The following GIGYF2 variants were observed in gnomAD, a reference collection of about 807,000 sequenced individuals.
GIGYF2 encodes GRB10-interacting GYF protein 2.
A neutral mutation model predicts 208.1 loss-of-function variants in GIGYF2; 25 were observed. That is an observed-to-expected ratio of 0.12 (90% CI 0.09 to 0.17). The LOEUF is 0.17. Among genes scored for constraint, GIGYF2 ranks in the 10% least tolerant of loss-of-function variants. The pLI is 1.00. For synonymous variants in GIGYF2, 534 were observed against 543.8 expected (o/e 0.98, Z 0.25); for missense variants, 1,302 against 1,579.4 (o/e 0.82, Z 2.98).
rs188274328 is a variant in GIGYF2 at position 232,712,903 on chromosome 2, A to T, written c.-44+9414A>T. On this transcript the variant is annotated intron_variant, in intron 2 of 28. Coordinates refer to ENST00000373563, the MANE Select transcript of GIGYF2 (RefSeq NM_001103146.3). ...TTACTGAGTTTTTAGTGCTAAGTAG[A>T]TAAGAGTTTGTTTATAAGTTAGGAT... Among the ~76,000 whole-genome samples the T allele has an allele frequency of 6.9e-4, 105 of 152,300 alleles. 3 individuals are homozygous for T. The highest frequency in any genetic ancestry group is 2.3e-3 in the African/African-American group (94 of 41,552).
intron 2 of GIGYF2, among the ~76,000 whole-genome samples, chr2:232,721,958 C>A (rs1696962136): frequency 6.6e-6 from 1 of 152,180 alleles, no homozygotes; most frequent in Admixed American, 6.5e-5. Flanking sequence ...TTACCAACAT[C>A]TTAAATTTGT....
intron 2 of GIGYF2, among the ~76,000 whole-genome samples, chr2:232,725,049 T>C (rs1697135708): frequency 6.6e-6 from 1 of 152,252 alleles, no homozygotes; most frequent in Non-Finnish European, 1.5e-5. Context: ...ATTCTCTGTA[T>C]TCTGTAACTT....
rs933145182 is a variant in GIGYF2 at position 232,781,286 on chromosome 2, A to G, written c.533-5864A>G. On this transcript the variant is annotated intron_variant, in intron 8 of 28. Transcript: ENST00000373563. ...TTATTTATTTTAAATTATATCAGGA[A>G]TACACACACACACACACACACACAC... Among the ~76,000 whole-genome samples the G allele has an allele frequency of 1.0e-4, 13 of 129,192 alleles. No individual in the cohort carries two copies. In the East Asian group the frequency reaches 2.5e-3, roughly 25 times the overall value. 84.8% of individuals were successfully genotyped at this position (129,192 alleles called of 152,430 possible).
At chr2:232,723,133 T>C (rs1697018366) in intron 2 of GIGYF2, among the ~76,000 whole-genome samples, 1 of 152,082 alleles carries the variant, frequency 6.6e-6, no homozygotes, top group Non-Finnish European at 1.5e-5. Context: ...CCTTTTAAAT[T>C]CCCCTACCCC....
chr2:232,711,705 G>GTATGTATATATATATATATATATATATA (rs1553604498), intron 2 of GIGYF2, among the ~76,000 whole-genome samples: 1 of 115,760 alleles, frequency 8.6e-6, no homozygotes, highest in Non-Finnish European at 1.8e-5. Flanking sequence ...TCACAATGAT[G>GTATGTATATATATATATATATATATATA]TATATATATA....
intron 2 of GIGYF2, among the ~76,000 whole-genome samples, chr2:232,718,347 C>T (rs1048879407): frequency 2.0e-5 from 3 of 152,196 alleles, no homozygotes; most frequent in African/African-American, 4.8e-5. Flanking sequence ...GATCCACTCA[C>T]CTTAGCCTCC....
rs150991520 is a variant in GIGYF2 at position 232,845,790 on chromosome 2, C to G, written c.3364C>G (p.Leu1122Val). The G allele has an allele frequency of 1.2e-6, 2 of 1,612,356 alleles. No homozygotes were observed. Among genetic ancestry groups the G allele is most frequent in the African/African-American group, 2.7e-5 (2 of 74,868 alleles). Residue 1122 changes from leucine to valine, a missense_variant, in exon 26 of 29, where the codon CTG (leucine) becomes GTG (valine). Physicochemically the swap from Leu to Val is conservative, Grantham distance 32. Around this residue, in one of 8 missense-constraint regions of GIGYF2, gnomAD observed 701 missense variants for 793.0 expected, o/e 0.88. Transcript: ENST00000373563. ...GAAAGTAGAAGAAGAAGAAAAGTTG[C>G]TGAAGCTCTTTCAGGGAGTAAATAA... is the stretch of plus-strand genomic sequence containing the variant. ...NKKVEEEEKL[L>V]KLFQGVNKAQ...
intron 3 of GIGYF2, among the ~76,000 whole-genome samples, chr2:232,740,807 T>A (rs1697942617): frequency 6.6e-6 from 1 of 152,206 alleles, no homozygotes; most frequent in African/African-American, 2.4e-5. Context: ...GGAGAGAAGT[T>A]CTGGAGGATG....
At chr2:232,736,427 A>G (rs1374381663) in intron 3 of GIGYF2, 2 of 159,146 alleles carry the variant, frequency 1.3e-5, no homozygotes, top group South Asian at 2.0e-4. Context: ...GTGTATATAT[A>G]CACTTATTTT....
In GIGYF2 at chr2:232,859,152, A is replaced by T. The variant is rs896558680; in HGVS notation, c.*2292A>T. On this transcript the variant is annotated 3_prime_UTR_variant, in exon 29 of 29. Transcript: ENST00000373563. The stretch of plus-strand genomic sequence containing the variant: ...GTTTGTTTCTGTCTCTCTCAATGCT[A>T]CTCTCTTTCATATTCTCATTTGCTC... 1 of 151,312 alleles carries T rather than the reference A, an allele frequency of 6.6e-6. No individual in the cohort carries two copies. Among genetic ancestry groups the T allele is most frequent in the Non-Finnish European group, 1.5e-5 (1 of 67,878 alleles). 9.4% of individuals were successfully genotyped at this position (151,312 alleles called of 1,614,324 possible).
At chr2:232,827,786 C>T (rs761288797) in intron 21 of GIGYF2, among the ~76,000 whole-genome samples, 2 of 152,012 alleles carry the variant, frequency 1.3e-5, no homozygotes, top group Non-Finnish European at 2.9e-5. Context: ...AATTTTAAAC[C>T]TTTCTTCCTT....
intron 28 of GIGYF2, among the ~76,000 whole-genome samples, chr2:232,851,684 T>TCACA (rs1690339889): frequency 6.6e-6 from 1 of 152,214 alleles, no homozygotes; most frequent in Non-Finnish European, 1.5e-5. Context: ...CCTCCCAAAG[T>TCACA]GCTGGGATTA....
chr2:232,760,413 T>C (rs375914290), intron 6 of GIGYF2, 67 bp from the exon 7 acceptor site: 1 of 981,116 alleles, frequency 1.0e-6, no homozygotes, highest in East Asian at 2.4e-5. Context: ...GATATTAATT[T>C]ATGGTGGTGA....
rs1475176373 is a variant in GIGYF2, at chr2:232,768,619, G to A, written c.532+7183G>A. 1.2e-6 allele frequency: 2 copies of A among 1,613,954 alleles called. No homozygotes were observed. Among genetic ancestry groups the A allele is most frequent in the African/African-American group, 2.7e-5 (2 of 74,924 alleles). On this transcript the variant is annotated intron_variant, in intron 8 of 28. Transcript: ENST00000373563. ...TCAAGGTGGAAATCCACACTGGTCT[G>A]GTAGAGTTTGCCATTTTCTCTTTCC...
chr2:232,750,983 C>T (rs1698317835), intron 5 of GIGYF2, among the ~76,000 whole-genome samples: 1 of 151,994 alleles, frequency 6.6e-6, no homozygotes, highest in Admixed American at 6.6e-5. Flanking sequence ...GTGCATGCCA[C>T]TGCATTTGGC....
intron 28 of GIGYF2, among the ~76,000 whole-genome samples, chr2:232,853,228 G>GTTC (rs753070069): frequency 2.0e-5 from 3 of 152,112 alleles, no homozygotes; most frequent in Non-Finnish European, 4.4e-5. Flanking sequence ...ATGGGAAAAT[G>GTTC]GGAAGTCTTC....
intron 22 of GIGYF2, among the ~76,000 whole-genome samples, chr2:232,834,300 C>T (rs997981320): frequency 3.3e-5 from 5 of 152,048 alleles, no homozygotes; most frequent in African/African-American, 9.7e-5. Flanking sequence ...CTCAGAGTTC[C>T]GTCACTTGGG....
intron 21 of GIGYF2, chr2:232,828,547 G>A (rs1005550910): frequency 4.0e-5 from 6 of 151,786 alleles, no homozygotes; most frequent in African/African-American, 1.5e-4. Context: ...AGAACTCCTT[G>A]GTTCAAGCTA....
At chr2:232,749,146 G>A (rs533112093) in intron 5 of GIGYF2, 64 bp downstream of exon 5, 29 of 838,262 alleles carry the variant, frequency 3.5e-5, no homozygotes, top group Non-Finnish European at 5.3e-5. Context: ...ATGAAAATAG[G>A]AAGTTACTAT....
Sources: allele counts gnomAD v4.1 joint callset (sites outside exome capture counted in the v4.1 genomes callset), GRCh38; gene constraint gnomAD v4.1.1; regional missense constraint gnomAD v4.1.1; transcripts MANE v1.5; gene names NCBI Gene and HGNC (gene_info 2026-07-23, HGNC 2026-07-21).